GRID1: variants seen among roughly 807,000 people sequenced by gnomAD.
The protein encoded by GRID1 is glutamate receptor ionotropic, delta-1.
A neutral mutation model predicts 98.0 loss-of-function variants in GRID1; 28 were observed. The ratio of observed to expected loss-of-function variants is 0.29; its 90% CI spans 0.21 to 0.39. The LOEUF (loss-of-function observed/expected upper bound fraction) is 0.39, where lower values mean the gene tolerates loss of function less well. Among genes scored for constraint, GRID1 ranks in the 10% least tolerant of loss-of-function variants. The pLI is 1.00. For synonymous variants in GRID1, 553 were observed against 538.5 expected, an observed-to-expected ratio of 1.03 and a Z score of -0.37; for missense variants, 1,111 against 1,340.5, an observed-to-expected ratio of 0.83 and a Z score of 2.67.
chr10:86,073,594 T>C lies in GRID1; in HGVS notation c.726+65225A>G, dbSNP rs570796908. Among the ~76,000 whole-genome samples, 3 of 152,350 alleles carry C rather than the reference T, an allele frequency of 2.0e-5. No individual in the cohort carries two copies. In the South Asian group the frequency reaches 6.2e-4, roughly 32 times the overall value. On this transcript the variant is annotated intron_variant, in intron 4 of 15. Transcript: ENST00000327946. ...GGGTGAAGGAGGCTGGGCCCGGCCC[T>C]GCTGGCAGGAAGCTGGCATGCACAC...
At chr10:85,904,408 A>G (rs1841431139) in intron 5 of GRID1, among the ~76,000 whole-genome samples, 1 of 152,086 alleles carries the variant, frequency 6.6e-6, no homozygotes, top group African/African-American at 2.4e-5. Context: ...AACCCAGTGG[A>G]CTCCATGTGT....
intron 4 of GRID1, among the ~76,000 whole-genome samples, chr10:86,134,170 TGCCCACCAGTGGCATGGTGTGTG>T (rs1471904340): frequency 6.6e-6 from 1 of 152,212 alleles, no homozygotes; most frequent in Non-Finnish European, 1.5e-5. Context: ...GCCACTGGAA[TGCCCACCAGTGGCATGGTGTGTG>T]GCCACGACTT....
At chr10:85,802,175 G>GGATCAAAGGATATCAAC (rs1842582658) in intron 8 of GRID1, among the ~76,000 whole-genome samples, 1 of 152,068 alleles carries the variant, frequency 6.6e-6, no homozygotes, top group Non-Finnish European at 1.5e-5. Flanking sequence ...CGCTGAAATT[G>GGATCAAAGGATATCAAC]TTCTATACAG....
intron 2 of GRID1, among the ~76,000 whole-genome samples, chr10:86,235,899 G>A (rs986913896): frequency 3.3e-5 from 5 of 152,146 alleles, no homozygotes; most frequent in African/African-American, 9.7e-5. Context: ...TTTCTCTTTC[G>A]CAAATTCCTA....
Position 86,201,346 on chromosome 10 carries a change from C to G in GRID1, c.520+5018G>C, listed in dbSNP as rs536627402. ...TATTCCACATATATGAGTCGCAAAC[C>G]AACCATGGGTCCCATACTTGTATGA... On this transcript the variant is annotated intron_variant, in intron 3 of 15. Transcript: ENST00000327946. 2.0e-5 allele frequency among the ~76,000 whole-genome samples: 3 copies of G among 152,264 alleles called. No individual in the cohort carries two copies. The South Asian group carries it at 6.2e-4, about 32-fold the overall frequency.
chr10:86,053,090 T>C (rs1843523837), intron 4 of GRID1, among the ~76,000 whole-genome samples: 1 of 152,208 alleles, frequency 6.6e-6, no homozygotes, highest in Non-Finnish European at 1.5e-5. Context: ...TATTTAGTGA[T>C]ACAAAAAGAT....
intron 2 of GRID1, among the ~76,000 whole-genome samples, chr10:86,254,854 C>T (rs955522985): frequency 1.3e-5 from 2 of 152,250 alleles, no homozygotes; most frequent in Non-Finnish European, 2.9e-5. Context: ...TGCACAGCCC[C>T]AGCCAGGGAT....
intron 4 of GRID1, among the ~76,000 whole-genome samples, chr10:86,061,709 A>G (rs1456537476): frequency 1.3e-5 from 2 of 152,028 alleles, no homozygotes; most frequent in Non-Finnish European, 2.9e-5. Flanking sequence ...TCCAAGGGCC[A>G]TCCCTGCATG....
intron 8 of GRID1, among the ~76,000 whole-genome samples, chr10:85,779,817 G>C (rs1300871569): frequency 6.6e-6 from 1 of 152,176 alleles, no homozygotes; most frequent in African/African-American, 2.4e-5. Flanking sequence ...AAGACGGAAA[G>C]GGAAAAGGAA....
chr10:86,229,514 G>A (rs1399433292), intron 2 of GRID1, among the ~76,000 whole-genome samples: 1 of 152,202 alleles, frequency 6.6e-6, no homozygotes, highest in Non-Finnish European at 1.5e-5. Context: ...AAATTGCTGA[G>A]AGCCGAGCCT....
At chr10:86,141,578 G>A (rs771036156) in intron 3 of GRID1, among the ~76,000 whole-genome samples, 19 of 152,208 alleles carry the variant, frequency 1.2e-4, no homozygotes, top group Non-Finnish European at 2.6e-4. Context: ...AGCCTTCCAC[G>A]GGTGCCAATG....
At chr10:86,051,598 T>C (rs566528527) in intron 4 of GRID1, among the ~76,000 whole-genome samples, 222 of 150,600 alleles carry the variant, frequency 1.5e-3, no homozygotes, top group South Asian at 3.6e-3. Flanking sequence ...GCTATAAAGA[T>C]TTCCCAAAAA....
At position 86,345,203 on chromosome 10, in the gene GRID1, C is replaced by T. The variant is rs559115938; in HGVS notation, c.235+18738G>A. Among the ~76,000 whole-genome samples, 230 of 152,322 alleles carry T rather than the reference C, an allele frequency of 1.5e-3. 3 individuals carry two copies. Among genetic ancestry groups the T allele is most frequent in the African/African-American group, 5.1e-3 (210 of 41,564 alleles). On this transcript the variant is annotated intron_variant, in intron 2 of 15. Coordinates refer to ENST00000327946, the MANE Select transcript of GRID1 (RefSeq NM_017551.3). Reference sequence around the variant, plus strand: ...TCTTCATGTCTGCATGGAGGGGCCTCGAGCTGCCATATGTTATGAAATGCA... The same window carrying T: ...TCTTCATGTCTGCATGGAGGGGCCTTGAGCTGCCATATGTTATGAAATGCA...
chr10:86,139,187 G>A (rs371410976), intron 3 of GRID1, among the ~76,000 whole-genome samples, 163 bp from the exon 4 acceptor site: 25 of 152,278 alleles, frequency 1.6e-4, no homozygotes, highest in Admixed American at 2.0e-4. Flanking sequence ...GGAGGACGCC[G>A]GCGTAGACCC....
chr10:85,829,760 T>A (rs1842851417), intron 8 of GRID1, among the ~76,000 whole-genome samples: 1 of 152,146 alleles, frequency 6.6e-6, no homozygotes, highest in South Asian at 2.1e-4. Flanking sequence ...GAAAGATTTC[T>A]ACAATGAGAA....
In GRID1 at chr10:86,345,641, T is replaced by C. The variant is rs549723441; in HGVS notation, c.235+18300A>G. On this transcript the variant is annotated intron_variant, in intron 2 of 15. Transcript: ENST00000327946. Reference sequence around the variant, plus strand: ...GGGGTTGGGGGAGCTGACTAGCCTGTGCAATTCTGCCATCCCCACAGGCCT... The same window carrying C: ...GGGGTTGGGGGAGCTGACTAGCCTGCGCAATTCTGCCATCCCCACAGGCCT... Among the ~76,000 whole-genome samples, 4 of 152,304 alleles carry C rather than the reference T, an allele frequency of 2.6e-5. No individual in the cohort carries two copies. In the South Asian group the frequency reaches 6.2e-4, roughly 24 times the overall value.
At chr10:85,996,551 A>C (rs1237877865) in intron 4 of GRID1, among the ~76,000 whole-genome samples, 1 of 152,208 alleles carries the variant, frequency 6.6e-6, no homozygotes, top group African/African-American at 2.4e-5. Context: ...AACAAGAGAA[A>C]TATATTTTTA....
chr10:86,042,121 T>C (rs186023932), intron 4 of GRID1, among the ~76,000 whole-genome samples: 1 of 152,308 alleles, frequency 6.6e-6, no homozygotes, highest in East Asian at 1.9e-4. Flanking sequence ...TGGGAGGGTC[T>C]CCAGAGGGGC....
intron 8 of GRID1, among the ~76,000 whole-genome samples, chr10:85,779,606 G>T (rs1842363827): frequency 6.6e-6 from 1 of 152,080 alleles, no homozygotes; most frequent in Admixed American, 6.6e-5. Context: ...ATCAAAATAT[G>T]TTGAATACCA....
Sources: gnomAD v4.1 joint callset for allele counts (sites outside exome capture counted in the v4.1 genomes callset) on GRCh38, gnomAD v4.1.1 for gene constraint, MANE v1.5 for transcripts, NCBI Gene and HGNC (gene_info 2026-07-23, HGNC 2026-07-21) for gene names.